Variants in IQCB1 observed in about 807,000 individuals in gnomAD.
The protein encoded by IQCB1 is IQ calmodulin-binding motif-containing protein 1.
In IQCB1, 56 loss-of-function variants were observed where a neutral mutation model predicts 84.4. The observed-to-expected ratio is 0.66, with a 90% CI of 0.54 to 0.83. The LOEUF (loss-of-function observed/expected upper bound fraction) is 0.83. Among genes scored for constraint, IQCB1 ranks in the 40% least tolerant of loss-of-function variants. The pLI is 0.00. For synonymous variants in IQCB1, 210 were observed against 234.8 expected (o/e 0.89, Z 0.96); for missense variants, 629 against 682.1 (o/e 0.92, Z 0.87).
chr3:121,793,754 T>G (rs1178109553), intron 10 of IQCB1, among the ~76,000 whole-genome samples: 1 of 152,184 alleles, frequency 6.6e-6, no homozygotes, highest in Non-Finnish European at 1.5e-5. Flanking sequence ...TCTGGTTACA[T>G]AAAGAAAGCA....
At chr3:121,820,071 G>T (rs1352092232) in intron 5 of IQCB1, among the ~76,000 whole-genome samples, 6 of 152,032 alleles carry the variant, frequency 3.9e-5, no homozygotes, top group African/African-American at 1.4e-4. Context: ...TTTCCTAACA[G>T]AATTGATCAT....
intron 6 of IQCB1, among the ~76,000 whole-genome samples, chr3:121,808,112 A>G (rs939756228): frequency 7.9e-5 from 12 of 152,006 alleles, no homozygotes; most frequent in African/African-American, 2.9e-4. Context: ...TCCATGCTCA[A>G]TAACTGAGCA....
In IQCB1 at chr3:121,795,592, A is replaced by G. The variant is rs747238557; in HGVS notation, c.877-26T>C. ...CTGAAATGCCGAAAATAATTTAGAGATATCTCTAGGAAGGTCTTTAAAAAA... is the reference window on the plus strand; with the variant it reads ...CTGAAATGCCGAAAATAATTTAGAGGTATCTCTAGGAAGGTCTTTAAAAAA... On this transcript the variant is annotated intron_variant, in intron 9 of 14. Coordinates refer to ENST00000310864, the MANE Select transcript of IQCB1 (RefSeq NM_001023570.4). 18 of 1,345,400 alleles carry G rather than the reference A, an allele frequency of 1.3e-5. No individual in the cohort carries two copies. In the African/African-American group the frequency reaches 1.7e-4, roughly 13 times the overall value. 83.3% of individuals were successfully genotyped at this position (1,345,400 alleles called of 1,614,324 possible). A position where few individuals can be genotyped will look rare whatever the true frequency, so the allele number is the denominator to read the frequency against.
chr3:121,792,543 TC>T, intron 10 of IQCB1, among the ~76,000 whole-genome samples: 1 of 141,852 alleles, frequency 7.0e-6, no homozygotes, highest in Non-Finnish European at 1.5e-5. Flanking sequence ...GCGCCTGTAG[TC>T]CCAGCTACTC....
chr3:121,772,769 C>G, intron 13 of IQCB1, 56 bp from the exon 14 acceptor site: 1 of 1,549,482 alleles, frequency 6.5e-7, no homozygotes, highest in Non-Finnish European at 8.9e-7. Flanking sequence ...ATCAAAGTAC[C>G]CAACCACTTA....
intron 12 of IQCB1, among the ~76,000 whole-genome samples, chr3:121,783,064 C>A (rs775531715): frequency 2.0e-4 from 30 of 152,224 alleles, no homozygotes; most frequent in Non-Finnish European, 2.2e-4. Context: ...ACATGACCTG[C>A]AAAGCCTAAA....
intron 5 of IQCB1, among the ~76,000 whole-genome samples, chr3:121,813,280 T>C (rs931918018): frequency 6.6e-6 from 1 of 152,086 alleles, no homozygotes; most frequent in Non-Finnish European, 1.5e-5. Context: ...AAGCACTAAA[T>C]ATGGAAATTA....
chr3:121,834,337 A>G (rs1339658179), intron 2 of IQCB1, 54 bp downstream of exon 2: 1 of 152,174 alleles, frequency 6.6e-6, no homozygotes, highest in Non-Finnish European at 1.5e-5. Context: ...TTTACATTAA[A>G]TTCATGAAAT....
chr3:121,818,516 C>T (rs1286782720), intron 5 of IQCB1, among the ~76,000 whole-genome samples: 1 of 152,154 alleles, frequency 6.6e-6, no homozygotes, highest in Non-Finnish European at 1.5e-5. Flanking sequence ...GGGCAGGGCC[C>T]AGCAGCTAGA....
At chr3:121,818,148 C>T (rs6438677) in intron 5 of IQCB1, among the ~76,000 whole-genome samples, 97,885 of 152,078 alleles carry the variant, frequency 0.64, 31,991 homozygotes, top group African/African-American at 0.71. Context: ...TCTGCTCAAG[C>T]TCTGATATAG....
rs4298081 is a variant in IQCB1, at chr3:121,807,190, T to G, written c.587+154A>C. ...ATTATATACAAGTATATAGTGCATA[T>G]ACTTGTATATACATTATATACGAGT... On this transcript the variant is annotated intron_variant, in intron 7 of 14. Transcript: ENST00000310864. 0.25 allele frequency among the ~76,000 whole-genome samples: 37,204 copies of G among 151,236 alleles called. 4,945 individuals are homozygous for G. The highest frequency in any genetic ancestry group is 0.28 in the Non-Finnish European group (18,942 of 67,476).
intron 5 of IQCB1, among the ~76,000 whole-genome samples, chr3:121,823,908 C>T (rs749692136): frequency 9.9e-5 from 15 of 151,972 alleles, no homozygotes; most frequent in Non-Finnish European, 1.8e-4. Context: ...AAGTAAAATA[C>T]ATGACAAAAT....
chr3:121,832,131 G>A (rs1950662744), intron 2 of IQCB1, among the ~76,000 whole-genome samples: 1 of 150,286 alleles, frequency 6.7e-6, no homozygotes, highest in South Asian at 2.1e-4. Flanking sequence ...CACATTTCGT[G>A]TTCACTGGCC....
In IQCB1 at chr3:121,769,850, C is replaced by T. The variant is rs901006677; in HGVS notation, c.*495G>A. 1 of 154,434 alleles carries T rather than the reference C, an allele frequency of 6.5e-6. No homozygotes were observed. Among genetic ancestry groups the T allele is most frequent in the African/African-American group, 2.4e-5 (1 of 41,438 alleles). The allele number at this position is 154,434 out of a possible 1,614,324, so 9.6% of individuals were successfully genotyped here. On this transcript the variant is annotated 3_prime_UTR_variant, in exon 15 of 15. Transcript: ENST00000310864. ...TAACAAAATAGAAAATGAGTTCAAC[C>T]ATTGCTTTATAGAAAACAGGGAAAT...
At chr3:121,807,523 A>G in intron 6 of IQCB1, 80 bp from the exon 7 acceptor site, 1 of 766,588 alleles carries the variant, frequency 1.3e-6, no homozygotes, top group Non-Finnish European at 2.3e-6. Context: ...TTTCAAACCA[A>G]ATCAAAGCAT....
chr3:121,821,951 C>T (rs1444664290), intron 5 of IQCB1, among the ~76,000 whole-genome samples: 5 of 152,196 alleles, frequency 3.3e-5, no homozygotes, highest in African/African-American at 1.2e-4. Context: ...GGGCCTCATA[C>T]AATCAGTTGA....
At chr3:121,798,903 T>C (rs1949299345) in intron 8 of IQCB1, among the ~76,000 whole-genome samples, 1 of 151,914 alleles carries the variant, frequency 6.6e-6, no homozygotes, top group African/African-American at 2.4e-5. Flanking sequence ...TTTTTGGTCA[T>C]TATTTTACTA....
chr3:121,770,577 G>A lies in IQCB1; in HGVS notation c.1568-3C>T, dbSNP rs1328883404. The A allele has an allele frequency of 8.1e-6, 13 of 1,605,802 alleles. No individual in the cohort carries two copies. In the East Asian group the frequency reaches 1.8e-4, roughly 22 times the overall value. Reference sequence around the variant, plus strand: ...TGCCTCCTTCAGACTTGGTGCCTCTGTAGTGGACAGAAAATAAACAGATGA... The same window carrying A: ...TGCCTCCTTCAGACTTGGTGCCTCTATAGTGGACAGAAAATAAACAGATGA... On this transcript the variant is annotated splice_region_variant and splice_polypyrimidine_tract_variant and intron_variant, in intron 14 of 14. Coordinates refer to ENST00000310864, the MANE Select transcript of IQCB1 (RefSeq NM_001023570.4).
intron 1 of IQCB1, among the ~76,000 whole-genome samples, 190 bp from the exon 2 acceptor site, chr3:121,834,669 C>T (rs953648723): frequency 2.0e-5 from 3 of 152,186 alleles, no homozygotes; most frequent in African/African-American, 7.2e-5. Context: ...AACAGCGTCG[C>T]TTCAAGTCTA....
Sources: gnomAD v4.1 joint callset for allele counts (sites outside exome capture counted in the v4.1 genomes callset) on GRCh38, gnomAD v4.1.1 for gene constraint, MANE v1.5 for transcripts, NCBI Gene and HGNC (gene_info 2026-07-23, HGNC 2026-07-21) for gene names.